The following CORIN variants were observed in gnomAD, a reference collection of about 807,000 sequenced individuals.
CORIN encodes the protein atrial natriuretic peptide-converting enzyme.
In CORIN, 117 loss-of-function variants were observed where a neutral mutation model predicts 125.3. That is an observed-to-expected ratio of 0.93 (90% CI 0.80 to 1.09). The LOEUF is 1.09. Among genes scored for constraint, CORIN ranks in the 50% least tolerant of loss-of-function variants. CORIN has a pLI of 0.00. For missense variants in CORIN, 1,253 were observed against 1,306.7 expected (o/e 0.96, Z 0.63); for synonymous variants, 450 against 466.4 (o/e 0.96, Z 0.45).
intron 3 of CORIN, among the ~76,000 whole-genome samples, chr4:47,785,131 G>T (rs1382079651): frequency 6.6e-6 from 1 of 152,160 alleles, no homozygotes; most frequent in African/African-American, 2.4e-5. Flanking sequence ...GGTTGGATGG[G>T]CTTTGTGTAA....
rs562784688 is a variant in CORIN at position 47,789,306 on chromosome 4, A to AAAAT, written c.209-2385_209-2382dup. On this transcript the variant is annotated intron_variant, in intron 2 of 21. Transcript: ENST00000273857. ...GCAACAAGAGTGAAATTCTGTCTCA[A>AAAAT]AAATAAATAAATAAATAAATAAAAA... Among the ~76,000 whole-genome samples, 1,459 of 152,170 alleles carry AAAAT rather than the reference A, an allele frequency of 9.6e-3. 26 individuals are homozygous for AAAAT. The highest frequency in any genetic ancestry group is 0.033 in the African/African-American group (1,387 of 41,456).
At chr4:47,646,855 C>A (rs61760472) in intron 13 of CORIN, among the ~76,000 whole-genome samples, 5 of 151,888 alleles carry the variant, frequency 3.3e-5, no homozygotes, top group Non-Finnish European at 7.4e-5. Context: ...ACAAATAAGT[C>A]GAATAAATTA....
Position 47,714,565 on chromosome 4 carries a change from G to C in CORIN, c.800-21482C>G, listed in dbSNP as rs555564612. Among the ~76,000 whole-genome samples the C allele has an allele frequency of 5.3e-5, 8 of 152,302 alleles. No homozygotes were observed. The East Asian group carries it at 7.7e-4, about 15-fold the overall frequency. On this transcript the variant is annotated intron_variant, in intron 5 of 21. Transcript: ENST00000273857. ...CAATTCAGAGTTAACCTAGAACAGA[G>C]ACTGACAAACATTTTCTGTAAAGGG...
intron 2 of CORIN, among the ~76,000 whole-genome samples, chr4:47,791,774 C>T (rs1015681909): frequency 5.3e-5 from 8 of 152,128 alleles, no homozygotes; most frequent in Non-Finnish European, 1.0e-4. Flanking sequence ...AAATTAATTT[C>T]TTAGCTTTGT....
At chr4:47,715,080 G>A (rs868524754) in intron 5 of CORIN, among the ~76,000 whole-genome samples, 1 of 152,104 alleles carries the variant, frequency 6.6e-6, no homozygotes, top group South Asian at 2.1e-4. Flanking sequence ...AATTATCTTG[G>A]CTAAATAATA....
Position 47,595,224 on chromosome 4 carries a change from A to G in CORIN, c.*497T>C, listed in dbSNP as rs1046111360. The G allele has an allele frequency of 1.3e-5, 2 of 152,374 alleles. No individual in the cohort carries two copies. Among genetic ancestry groups the G allele is most frequent in the East Asian group, 3.8e-4 (2 of 5,206 alleles). The allele number at this position is 152,374 out of a possible 1,614,324, so 9.4% of individuals were successfully genotyped here. ...CGTGTACCCTAAAATTCGAAGTGTA[A>G]TAAAAAAGAATTGTGGGGTATAAAA... is the stretch of plus-strand genomic sequence containing the variant. On this transcript the variant is annotated 3_prime_UTR_variant, in exon 22 of 22. Coordinates refer to ENST00000273857, the MANE Select transcript of CORIN (RefSeq NM_006587.4).
intron 5 of CORIN, among the ~76,000 whole-genome samples, chr4:47,699,541 T>G (rs1052113395): frequency 6.6e-6 from 1 of 152,212 alleles, no homozygotes; most frequent in Non-Finnish European, 1.5e-5. Flanking sequence ...TTTTATCAGT[T>G]TTTCTTACTG....
intron 21 of CORIN, among the ~76,000 whole-genome samples, 189 bp from the exon 22 acceptor site, chr4:47,596,092 C>G (rs1174978285): frequency 1.3e-5 from 2 of 152,164 alleles, no homozygotes; most frequent in Non-Finnish European, 2.9e-5. Flanking sequence ...AAATAAACAT[C>G]TTAAACTCTG....
At chr4:47,697,983 G>A (rs775348279) in intron 5 of CORIN, among the ~76,000 whole-genome samples, 2 of 151,610 alleles carry the variant, frequency 1.3e-5, no homozygotes, top group African/African-American at 2.4e-5. Context: ...TCTGATTTAT[G>A]CACTCATTTC....
intron 3 of CORIN, among the ~76,000 whole-genome samples, chr4:47,776,627 TC>T (rs1218026511): frequency 6.6e-6 from 1 of 152,142 alleles, no homozygotes; most frequent in Non-Finnish European, 1.5e-5. Context: ...CAAAACAGAC[TC>T]TCTGAGCTTG....
At position 47,671,403 on chromosome 4, in the gene CORIN, T is replaced by C. The variant is rs191161246; in HGVS notation, c.1357+2990A>G. On this transcript the variant is annotated intron_variant, in intron 10 of 21. Transcript: ENST00000273857. ...AAGCTAAGTAATACTAGTCTCTTGA[T>C]AGTGGTAAACATCTTCAAGTAATGA... 1.4e-3 allele frequency among the ~76,000 whole-genome samples: 212 copies of C among 152,318 alleles called. 1 individual carries two copies. Among genetic ancestry groups the C allele is most frequent in the Non-Finnish European group, 2.2e-3 (153 of 68,034 alleles).
At chr4:47,641,884 G>A in intron 16 of CORIN, 36 bp downstream of exon 16, 1 of 1,600,566 alleles carries the variant, frequency 6.2e-7, no homozygotes, top group South Asian at 1.1e-5. Flanking sequence ...AAAGCCTTCT[G>A]AGAAATTCAT....
chr4:47,682,111 G>A (rs1447399378), intron 7 of CORIN: 1 of 152,134 alleles, frequency 6.6e-6, no homozygotes, highest in Non-Finnish European at 1.5e-5. Flanking sequence ...GTAGAACAGT[G>A]GTTACTAGAG....
intron 2 of CORIN, among the ~76,000 whole-genome samples, chr4:47,789,625 A>T (rs185431041): frequency 2.0e-4 from 31 of 152,342 alleles, no homozygotes; most frequent in Admixed American, 1.8e-3. Flanking sequence ...CTGGAAGCTG[A>T]CCAACTCCCA....
At chr4:47,787,757 G>A (rs1036402232) in intron 2 of CORIN, among the ~76,000 whole-genome samples, 4 of 152,330 alleles carry the variant, frequency 2.6e-5, no homozygotes, top group Middle Eastern at 6.8e-3. Context: ...AGTATACACT[G>A]CACCTAACTT....
chr4:47,615,572 G>A (rs1021061472), intron 19 of CORIN, among the ~76,000 whole-genome samples: 3 of 152,208 alleles, frequency 2.0e-5, no homozygotes, highest in Non-Finnish European at 4.4e-5. Context: ...TCCACATCCA[G>A]TATAATGCCG....
At chr4:47,776,394 C>T (rs1207074806) in intron 3 of CORIN, among the ~76,000 whole-genome samples, 3 of 152,042 alleles carry the variant, frequency 2.0e-5, no homozygotes, top group East Asian at 1.9e-4. Context: ...CAAGTTGCTG[C>T]GTGTGGTATG....
chr4:47,818,035 A>C (rs1732348700), intron 1 of CORIN, among the ~76,000 whole-genome samples: 1 of 152,214 alleles, frequency 6.6e-6, no homozygotes, highest in Admixed American at 6.5e-5. Context: ...TAGGAACACA[A>C]CTCAATAAAA....
intron 1 of CORIN, among the ~76,000 whole-genome samples, chr4:47,836,772 A>G (rs2110003351): frequency 6.6e-6 from 1 of 152,274 alleles, no homozygotes; most frequent in South Asian, 2.1e-4. Flanking sequence ...ACTGCCATCC[A>G]CTGGCCCCGA....
Sources: gnomAD v4.1 joint callset for allele counts (sites outside exome capture counted in the v4.1 genomes callset) on GRCh38, gnomAD v4.1.1 for gene constraint, MANE v1.5 for transcripts, NCBI Gene and HGNC (gene_info 2026-07-23, HGNC 2026-07-21) for gene names.